Variants in ZC3H18 observed in about 807,000 individuals in gnomAD.
ZC3H18 encodes zinc finger CCCH domain-containing protein 18.
A neutral mutation model predicts 106.1 loss-of-function variants in ZC3H18; 8 were observed. The ratio of observed to expected loss-of-function variants is 0.08; its 90% CI spans 0.04 to 0.14. The LOEUF is 0.14. Ranked by LOEUF, ZC3H18 falls within the 10% of genes least tolerant of loss-of-function variation. The pLI is 1.00. For missense variants in ZC3H18, 1,318 were observed against 1,278.4 expected (o/e 1.03, Z -0.47); for synonymous variants, 635 against 522.1 (o/e 1.22, Z -2.95).
At chr16:88,596,771 T>A (rs1904461536) in intron 3 of ZC3H18, among the ~76,000 whole-genome samples, 1 of 152,246 alleles carries the variant, frequency 6.6e-6, no homozygotes, top group African/African-American at 2.4e-5. Flanking sequence ...TGATTTTGAA[T>A]ACTGCATGAG....
intron 3 of ZC3H18, among the ~76,000 whole-genome samples, chr16:88,590,648 C>T (rs1915697068): frequency 1.5e-5 from 2 of 132,874 alleles, no homozygotes; most frequent in Admixed American, 1.7e-4. Context: ...TTGGAACCTC[C>T]ACCTGGGTTC....
chr16:88,629,481 C>T (rs1393267248), intron 16 of ZC3H18, among the ~76,000 whole-genome samples: 3 of 152,142 alleles, frequency 2.0e-5, no homozygotes, highest in Middle Eastern at 3.2e-3. Context: ...TTTTTTTTTA[C>T]ACATGTGCCA....
chr16:88,598,517 A>C, intron 4 of ZC3H18, 103 bp from the exon 5 acceptor site: 1 of 1,439,456 alleles, frequency 6.9e-7, no homozygotes, highest in Non-Finnish European at 9.6e-7. Flanking sequence ...GAGAGCGGCC[A>C]CACACGGCCG....
intron 8 of ZC3H18, among the ~76,000 whole-genome samples, chr16:88,614,726 C>T (rs1905474016): frequency 6.6e-6 from 1 of 152,234 alleles, no homozygotes; most frequent in Non-Finnish European, 1.5e-5. Context: ...ACGGGGAAAC[C>T]GTCATTGACC....
chr16:88,622,113 A>G (rs930828890), intron 8 of ZC3H18, 84 bp from the exon 9 acceptor site: 5 of 1,457,688 alleles, frequency 3.4e-6, no homozygotes, highest in African/African-American at 2.8e-5. Flanking sequence ...TATGAGATCC[A>G]TAGTCTCTCC....
At chr16:88,573,965 C>T (rs1334516623) in intron 1 of ZC3H18, among the ~76,000 whole-genome samples, 1 of 151,824 alleles carries the variant, frequency 6.6e-6, no homozygotes, top group African/African-American at 2.4e-5. Flanking sequence ...CTCCGCCCCC[C>T]CGAGTTCAAG....
chr16:88,589,836 T>A (rs1915638408), intron 3 of ZC3H18, among the ~76,000 whole-genome samples: 1 of 152,228 alleles, frequency 6.6e-6, no homozygotes, highest in Non-Finnish European at 1.5e-5. Context: ...AGTACAGGAT[T>A]TCCTCTTTGG....
intron 2 of ZC3H18, among the ~76,000 whole-genome samples, chr16:88,578,231 C>G (rs1275410942): frequency 6.6e-6 from 1 of 152,230 alleles, no homozygotes; most frequent in African/African-American, 2.4e-5. Context: ...AGGGCACCAG[C>G]TGGGCCAGGC....
Position 88,599,951 on chromosome 16 carries a change from A to G in ZC3H18, c.1088+3A>G. ...CCGAGAGATGTCAGAGACACAGTGT[A>G]AGGAATGGCCCTGCCTGCCCCTCCG... On this transcript the variant is annotated splice_donor_region_variant and intron_variant, in intron 6 of 17. Transcript: ENST00000301011. 2 of 1,613,932 alleles carry G rather than the reference A, an allele frequency of 1.2e-6. No individual in the cohort carries two copies. The highest frequency in any genetic ancestry group is 1.7e-6 in the Non-Finnish European group (2 of 1,179,898).
At chr16:88,610,543 C>T (rs1403297738) in intron 7 of ZC3H18, among the ~76,000 whole-genome samples, 7 of 152,192 alleles carry the variant, frequency 4.6e-5, no homozygotes, top group African/African-American at 1.2e-4. Flanking sequence ...CTGCTGTGTC[C>T]GAGGGAGGGG....
rs187052450 is a variant in ZC3H18, at chr16:88,628,704, C to T, written c.2470-54C>T. 8,622 of 1,597,450 alleles carry T rather than the reference C, an allele frequency of 5.4e-3. 33 individuals are homozygous for T. Among genetic ancestry groups the T allele is most frequent in the Non-Finnish European group, 6.7e-3 (7,781 of 1,165,592 alleles). On this transcript the variant is annotated intron_variant, in intron 15 of 17. Transcript: ENST00000301011. ...GAACCCATGTCCTCTGGGGCGAGGA[C>T]ACGGCTTCTGGCTCCTGGCCCTGCT...
intron 2 of ZC3H18, among the ~76,000 whole-genome samples, chr16:88,581,418 A>G (rs1184933701): frequency 6.6e-6 from 1 of 152,256 alleles, no homozygotes; most frequent in Non-Finnish European, 1.5e-5. Context: ...CAATTTGTAC[A>G]ATAAGCCCTT....
Position 88,577,338 on chromosome 16 carries a change from G to C in ZC3H18, c.215G>C (p.Arg72Pro), listed in dbSNP as rs777676768. The part of the protein sequence containing the change: ...EEDNHSDEED[R>P]ASEPKSQDQD... ...GATAATCACTCCGACGAGGAGGACC[G>C]GGCAAGTGAGCCTAAATCCCAAGAC... Residue 72 changes from arginine (R) to proline (P), a missense_variant, in exon 2 of 18, where the codon CGG becomes CCG. Physicochemically the swap from Arg to Pro is moderately radical, Grantham distance 103. Around this residue, in one of 6 missense-constraint regions of ZC3H18, gnomAD observed 346 missense variants for 269.0 expected, o/e 1.29. Coordinates refer to ENST00000301011, the MANE Select transcript of ZC3H18 (RefSeq NM_144604.4). 2 of 1,605,164 alleles carry C rather than the reference G, an allele frequency of 1.2e-6. No individual in the cohort carries two copies. Among genetic ancestry groups the C allele is most frequent in the African/African-American group, 2.7e-5 (2 of 74,758 alleles).
intron 13 of ZC3H18, 140 bp downstream of exon 13, chr16:88,625,407 AG>A (rs1189181165): frequency 1.9e-6 from 2 of 1,030,106 alleles, no homozygotes; most frequent in Non-Finnish European, 2.9e-6. Context: ...GGGCTGTGGA[AG>A]GCTGCGGTTG....
chr16:88,590,943 C>G (rs1029166746), intron 3 of ZC3H18, among the ~76,000 whole-genome samples: 2 of 150,620 alleles, frequency 1.3e-5, no homozygotes, highest in African/African-American at 4.9e-5. Context: ...CTGTGCTCCC[C>G]CTAATTTTTT....
chr16:88,577,097 C>T lies in ZC3H18; in HGVS notation c.-14-13C>T. 1 of 1,509,142 alleles carries T rather than the reference C, an allele frequency of 6.6e-7. No individual in the cohort carries two copies. Among genetic ancestry groups the T allele is most frequent in the Non-Finnish European group, 8.9e-7 (1 of 1,128,906 alleles). The allele number at this position is 1,509,142 out of a possible 1,614,324, so 93.5% of individuals were successfully genotyped here. ...TTGCTAAAGGCTGTCAATCTGTATTCTCTCTTTTGCAGAACCGTGGGTACC... is the reference window on the plus strand; with the variant it reads ...TTGCTAAAGGCTGTCAATCTGTATTTTCTCTTTTGCAGAACCGTGGGTACC... On this transcript the variant is annotated splice_polypyrimidine_tract_variant and intron_variant, in intron 1 of 17. Transcript: ENST00000301011.
intron 7 of ZC3H18, among the ~76,000 whole-genome samples, chr16:88,610,684 G>C (rs1240103081): frequency 6.6e-6 from 1 of 152,246 alleles, no homozygotes; most frequent in South Asian, 2.1e-4. Flanking sequence ...ATGAGTAAGA[G>C]CAGAGGAAAA....
intron 8 of ZC3H18, among the ~76,000 whole-genome samples, chr16:88,618,805 T>C (rs2142786134): frequency 6.6e-6 from 1 of 152,252 alleles, no homozygotes. Context: ...CGGTTGGAAG[T>C]GTTCATGCAA....
chr16:88,585,144 TC>T (rs1915363021), intron 2 of ZC3H18, among the ~76,000 whole-genome samples: 1 of 152,240 alleles, frequency 6.6e-6, no homozygotes, highest in Non-Finnish European at 1.5e-5. Flanking sequence ...TCTGATCATT[TC>T]TTTTTTTAAT....
Sources: allele counts gnomAD v4.1 joint callset (sites outside exome capture counted in the v4.1 genomes callset), GRCh38; gene constraint gnomAD v4.1.1; regional missense constraint gnomAD v4.1.1; transcripts MANE v1.5; gene names NCBI Gene and HGNC (gene_info 2026-07-23, HGNC 2026-07-21).